The following APOO variants were observed in gnomAD, a reference collection of about 807,000 sequenced individuals.
APOO encodes MICOS complex subunit MIC26.
Under a neutral mutation model 23.1 loss-of-function variants are expected in APOO, and 11 were observed. The ratio of observed to expected loss-of-function variants is 0.48; its 90% CI spans 0.30 to 0.79. The LOEUF (loss-of-function observed/expected upper bound fraction) is 0.79, where lower values mean the gene tolerates loss of function less well. Among genes scored for constraint, APOO ranks in the 30% least tolerant of loss-of-function variants. APOO has a pLI of 0.07. For missense variants in APOO, 160 were observed against 142.7 expected (o/e 1.12, Z -0.62); for synonymous variants, 59 against 54.8 (o/e 1.08, Z -0.34).
intron 1 of APOO, among the ~76,000 whole-genome samples, chrX:23,885,480 C>T (rs1357274212): frequency 9.3e-6 from 1 of 107,610 alleles, no homozygotes; most frequent in African/African-American, 3.4e-5. Flanking sequence ...AAGCTGGTCT[C>T]GAACTCCTGA....
At chrX:23,853,323 T>TGG (rs200836822) in intron 7 of APOO, among the ~76,000 whole-genome samples, 16 of 108,908 alleles carry the variant, frequency 1.5e-4, no homozygotes, top group African/African-American at 4.7e-4. Context: ...AAATCTAAAG[T>TGG]GGGGGGGGTG....
intron 7 of APOO, among the ~76,000 whole-genome samples, chrX:23,844,606 C>A (rs1439587236): frequency 9.0e-6 from 1 of 111,060 alleles, no homozygotes; most frequent in Non-Finnish European, 1.9e-5. Flanking sequence ...GTCCTACAGC[C>A]TCGAGGAACT....
At chrX:23,904,526 T>C (rs899252223) in intron 1 of APOO, among the ~76,000 whole-genome samples, 1 of 56,159 alleles carries the variant, frequency 1.8e-5, no homozygotes, top group African/African-American at 5.6e-5. Flanking sequence ...TTTTTTTTTT[T>C]GGGACGGAGT....
chrX:23,884,288 T>A (rs1182544330), intron 1 of APOO, among the ~76,000 whole-genome samples: 2 of 108,621 alleles, frequency 1.8e-5, no homozygotes, highest in African/African-American at 6.8e-5. Flanking sequence ...GCTAAAACAA[T>A]GAAGGAAAGA....
intron 7 of APOO, among the ~76,000 whole-genome samples, chrX:23,849,009 A>C (rs1228705112): frequency 9.2e-6 from 1 of 109,203 alleles, no homozygotes; most frequent in Non-Finnish European, 1.9e-5. Flanking sequence ...GGCGCCTGCC[A>C]CCACGCCTGG....
chrX:23,889,719 G>A lies in APOO; in HGVS notation c.10-8767C>T, dbSNP rs781670503. 1.2e-4 allele frequency among the ~76,000 whole-genome samples: 12 copies of A among 98,919 alleles called. No homozygotes were observed. In the East Asian group the frequency reaches 2.6e-3, roughly 21 times the overall value. The allele number at this position is 98,919 out of a possible 115,157, so 85.9% of individuals were successfully genotyped here. A position where few individuals can be genotyped will look rare whatever the true frequency, so the allele number is the denominator to read the frequency against. On this transcript the variant is annotated intron_variant, in intron 1 of 8. Transcript: ENST00000379226. The stretch of plus-strand genomic sequence containing the variant: ...GCTCTGTCGCCCAGGCTGGAGTGCA[G>A]TGGTGCGATCTTGGCTCACTGCAAG...
At chrX:23,853,618 T>G (rs1049724618) in intron 7 of APOO, among the ~76,000 whole-genome samples, 1 of 105,927 alleles carries the variant, frequency 9.4e-6, no homozygotes, top group Non-Finnish European at 1.9e-5. Flanking sequence ...GTTTTTTTTT[T>G]TTGTTTGTTT....
At chrX:23,888,750 T>A (rs1330781449) in intron 1 of APOO, among the ~76,000 whole-genome samples, 5 of 103,702 alleles carry the variant, frequency 4.8e-5, no homozygotes, top group Non-Finnish European at 9.7e-5. Context: ...CTCGGGAGGC[T>A]GAGGCAAGAG....
chrX:23,892,188 C>T (rs1380816935), intron 1 of APOO, among the ~76,000 whole-genome samples: 1 of 109,014 alleles, frequency 9.2e-6, no homozygotes, highest in Non-Finnish European at 1.9e-5. Context: ...GGGGTTCAAA[C>T]GATTCTCCTG....
intron 3 of APOO, among the ~76,000 whole-genome samples, chrX:23,876,420 CA>C (rs765596295): frequency 1.4e-3 from 62 of 43,307 alleles, no homozygotes; most frequent in South Asian, 5.5e-3. Flanking sequence ...TTGTCTCTAC[CA>C]AAAAAAAAAA....
At chrX:23,879,366 G>A (rs1421127708) in intron 2 of APOO, among the ~76,000 whole-genome samples, 3 of 112,002 alleles carry the variant, frequency 2.7e-5, no homozygotes, top group Admixed American at 9.5e-5. Flanking sequence ...AACCTGGGAG[G>A]TGGAGGTAGC....
intron 7 of APOO, among the ~76,000 whole-genome samples, chrX:23,855,496 T>A (rs1924742697): frequency 9.0e-6 from 1 of 111,616 alleles, no homozygotes; most frequent in Non-Finnish European, 1.9e-5. Context: ...TTATTTTTTT[T>A]TAAAAAGTAT....
intron 8 of APOO, chrX:23,839,951 T>C (rs1923891136): frequency 8.6e-6 from 1 of 115,793 alleles, no homozygotes; most frequent in African/African-American, 3.2e-5. Context: ...TGAGCCTCTC[T>C]GTAACAGTCA....
intron 1 of APOO, among the ~76,000 whole-genome samples, chrX:23,900,728 C>CAACTA (rs1055839856): frequency 7.7e-5 from 8 of 104,286 alleles, no homozygotes; most frequent in African/African-American, 2.8e-4. Context: ...GCCAGAAACA[C>CAACTA]AACTAGAACC....
At chrX:23,846,422 G>A (rs1280282674) in intron 7 of APOO, among the ~76,000 whole-genome samples, 4 of 108,525 alleles carry the variant, frequency 3.7e-5, no homozygotes, top group African/African-American at 1.3e-4. Flanking sequence ...AGGAGTTCAG[G>A]ACCAGCCTGG....
chrX:23,858,546 G>A, intron 6 of APOO, 96 bp downstream of exon 6: 2 of 850,154 alleles, frequency 2.4e-6, no homozygotes, highest in Admixed American at 6.2e-5. Flanking sequence ...TTAGTCTGGT[G>A]TTATAAGAAC....
At chrX:23,903,024 T>C (rs1354379357) in intron 1 of APOO, among the ~76,000 whole-genome samples, 9 of 111,921 alleles carry the variant, frequency 8.0e-5, no homozygotes, top group Non-Finnish European at 1.5e-4. Flanking sequence ...CCGATTGGCT[T>C]CAATTCTTGC....
intron 7 of APOO, among the ~76,000 whole-genome samples, chrX:23,845,203 T>A (rs1924175697): frequency 8.9e-6 from 1 of 112,243 alleles, no homozygotes; most frequent in African/African-American, 3.2e-5. Context: ...TTTTGGTAAA[T>A]AATGGTGTTT....
intron 8 of APOO, chrX:23,836,743 T>G: frequency 1.7e-6 from 1 of 584,706 alleles, no homozygotes; most frequent in South Asian, 2.9e-5. Flanking sequence ...TCTTAGATCT[T>G]ATTCATCAGC....
Sources: allele counts gnomAD v4.1 joint callset (sites outside exome capture counted in the v4.1 genomes callset), GRCh38; gene constraint gnomAD v4.1.1; transcripts MANE v1.5; gene names NCBI Gene and HGNC (gene_info 2026-07-23, HGNC 2026-07-21).